AGMO: variants seen among roughly 807,000 people sequenced by gnomAD.
The protein encoded by AGMO is glyceryl-ether monooxygenase.
In AGMO, 75 loss-of-function variants were observed where a neutral mutation model predicts 60.2. The ratio of observed to expected loss-of-function variants is 1.25; its 90% CI spans 1.03 to 1.51. The LOEUF (loss-of-function observed/expected upper bound fraction) is 1.51, where lower values mean the gene tolerates loss of function less well. Ranked by LOEUF, AGMO falls within the 40% of genes most tolerant of loss-of-function variation. The pLI is 0.00. For missense variants in AGMO, 763 were observed against 525.5 expected, an observed-to-expected ratio of 1.45 and a Z score of -4.42; for synonymous variants, 261 against 177.1, an observed-to-expected ratio of 1.47 and a Z score of -3.76.
At chr7:15,443,830 A>G (rs1189355685) in intron 3 of AGMO, among the ~76,000 whole-genome samples, 1 of 152,168 alleles carries the variant, frequency 6.6e-6, no homozygotes, top group African/African-American at 2.4e-5. Flanking sequence ...CCTCCTTCTC[A>G]TGTACTGTTC....
intron 12 of AGMO, among the ~76,000 whole-genome samples, chr7:15,330,355 T>G (rs1265525906): frequency 1.3e-5 from 2 of 152,174 alleles, no homozygotes; most frequent in Admixed American, 6.6e-5. Flanking sequence ...GTTTCAGAAA[T>G]GGGCTTGTTC....
intron 12 of AGMO, among the ~76,000 whole-genome samples, chr7:15,212,643 C>G (rs1781627775): frequency 6.6e-6 from 1 of 151,944 alleles, no homozygotes; most frequent in Non-Finnish European, 1.5e-5. Flanking sequence ...GCACAGCTAT[C>G]TTAACAAGGT....
chr7:15,556,488 A>G (rs1388147767), intron 2 of AGMO, among the ~76,000 whole-genome samples: 1 of 152,020 alleles, frequency 6.6e-6, no homozygotes, highest in Non-Finnish European at 1.5e-5. Context: ...AACCCATTAA[A>G]AACAAACATA....
chr7:15,157,606 A>T, the AGMO span, among the ~76,000 whole-genome samples: 24 of 152,296 alleles, frequency 1.6e-4, no homozygotes, highest in African/African-American at 5.5e-4. Flanking sequence ...ACAGCCTTGA[A>T]GAGACTTATC....
chr7:15,317,938 TATAC>T (rs558367364), intron 12 of AGMO, among the ~76,000 whole-genome samples: 1,916 of 145,018 alleles, frequency 0.013, 130 homozygotes, highest in Admixed American at 0.11. Context: ...TATATATATA[TATAC>T]ACACACACAC....
At chr7:15,503,412 G>T (rs1783438031) in intron 3 of AGMO, among the ~76,000 whole-genome samples, 1 of 151,944 alleles carries the variant, frequency 6.6e-6, no homozygotes, top group Non-Finnish European at 1.5e-5. Context: ...TTTGAGAATA[G>T]GCTTGCTTAT....
chr7:15,484,263 T>C (rs1220191794), intron 3 of AGMO, among the ~76,000 whole-genome samples: 2 of 152,210 alleles, frequency 1.3e-5, no homozygotes, highest in Non-Finnish European at 2.9e-5. Flanking sequence ...ATTATCATTA[T>C]AGATCATCAG....
intron 12 of AGMO, among the ~76,000 whole-genome samples, chr7:15,215,525 G>A (rs1781710936): frequency 6.6e-6 from 1 of 151,856 alleles, no homozygotes; most frequent in Non-Finnish European, 1.5e-5. Flanking sequence ...CACACACAGT[G>A]GAACAGATGT....
At chr7:15,156,298 G>C in the AGMO span, among the ~76,000 whole-genome samples, 1 of 152,196 alleles carries the variant, frequency 6.6e-6, no homozygotes, top group Admixed American at 6.5e-5. Flanking sequence ...GTGGCTGCTG[G>C]CAAGCTGAGG....
intron 3 of AGMO, among the ~76,000 whole-genome samples, chr7:15,479,387 A>T (rs763934535): frequency 1.6e-4 from 24 of 152,166 alleles, no homozygotes; most frequent in Non-Finnish European, 3.4e-4. Context: ...TAGAAACAAG[A>T]CAGGGAAGAA....
At chr7:15,412,266 G>A (rs982399488) in intron 5 of AGMO, among the ~76,000 whole-genome samples, 2 of 152,006 alleles carry the variant, frequency 1.3e-5, no homozygotes, top group African/African-American at 2.4e-5. Context: ...CAGACAAAAG[G>A]ACTAATTGGG....
At chr7:15,194,766 C>T in the AGMO span, among the ~76,000 whole-genome samples, 1 of 152,128 alleles carries the variant, frequency 6.6e-6, no homozygotes, top group Non-Finnish European at 1.5e-5. Flanking sequence ...ATCTTGCAGC[C>T]TATTACGTAG....
At chr7:15,317,904 C>A (rs1328185185) in intron 12 of AGMO, among the ~76,000 whole-genome samples, 1 of 147,420 alleles carries the variant, frequency 6.8e-6, no homozygotes, top group Non-Finnish European at 1.5e-5. Context: ...TATACACACA[C>A]ACGTATATAT....
chr7:15,143,221 A>G, the AGMO span, among the ~76,000 whole-genome samples: 1 of 152,218 alleles, frequency 6.6e-6, no homozygotes, highest in African/African-American at 2.4e-5. Flanking sequence ...TGATGAGTGG[A>G]AATCACTGTC....
intron 5 of AGMO, among the ~76,000 whole-genome samples, chr7:15,395,718 T>G (rs555310851): frequency 1.3e-5 from 2 of 152,348 alleles, no homozygotes; most frequent in East Asian, 1.9e-4. Context: ...TGAAAAAGTT[T>G]GTTAAAAATT....
At chr7:15,525,752 C>G (rs1335410935) in intron 3 of AGMO, among the ~76,000 whole-genome samples, 1 of 152,128 alleles carries the variant, frequency 6.6e-6, no homozygotes, top group Non-Finnish European at 1.5e-5. Flanking sequence ...CTGAGCCAGC[C>G]CAGGAGCCCC....
the AGMO span, among the ~76,000 whole-genome samples, chr7:15,126,404 G>T: frequency 6.6e-6 from 1 of 152,080 alleles, no homozygotes; most frequent in Non-Finnish European, 1.5e-5. Flanking sequence ...TTAAGTTATT[G>T]TAGTTGCCCC....
At chr7:15,351,162 G>A (rs759481175) in intron 12 of AGMO, among the ~76,000 whole-genome samples, 1 of 152,062 alleles carries the variant, frequency 6.6e-6, no homozygotes, top group African/African-American at 2.4e-5. Context: ...CTTCATTCTA[G>A]AAACTAAACA....
chr7:15,517,190 C>T (rs529529772), intron 3 of AGMO, among the ~76,000 whole-genome samples: 29 of 151,854 alleles, frequency 1.9e-4, no homozygotes, highest in African/African-American at 6.8e-4. Context: ...TTGATGGAAT[C>T]ACAAGAAGGA....
Sources: allele counts gnomAD v4.1 joint callset (sites outside exome capture counted in the v4.1 genomes callset), GRCh38; gene constraint gnomAD v4.1.1; transcripts MANE v1.5; gene names NCBI Gene and HGNC (gene_info 2026-07-23, HGNC 2026-07-21).